The following SUPT3H variants were observed in gnomAD, a reference collection of about 807,000 sequenced individuals.
The protein encoded by SUPT3H is transcription initiation protein SPT3 homolog.
In SUPT3H, 44 loss-of-function variants were observed where a neutral mutation model predicts 44.3. The ratio of observed to expected loss-of-function variants is 0.99; its 90% CI spans 0.78 to 1.28. SUPT3H has a LOEUF of 1.28. SUPT3H is among the 50% of genes most tolerant of loss of function. The pLI is 0.00. For missense variants in SUPT3H, 380 were observed against 387.1 expected (o/e 0.98, Z 0.15); for synonymous variants, 124 against 125.6 (o/e 0.99, Z 0.09).
chr6:45,190,969 T>C (rs1292351972), intron 2 of SUPT3H, among the ~76,000 whole-genome samples: 1 of 152,082 alleles, frequency 6.6e-6, no homozygotes, highest in African/African-American at 2.4e-5. Flanking sequence ...CTGGTGGGAA[T>C]GTAAAATGAT....
chr6:45,206,593 G>T (rs1763253195), intron 2 of SUPT3H, among the ~76,000 whole-genome samples: 1 of 151,864 alleles, frequency 6.6e-6, no homozygotes, highest in Non-Finnish European at 1.5e-5. Context: ...AATATCACAG[G>T]AAGAATAAAA....
intron 2 of SUPT3H, among the ~76,000 whole-genome samples, chr6:45,188,102 T>C (rs1029667769): frequency 6.6e-6 from 1 of 152,254 alleles, no homozygotes; most frequent in Non-Finnish European, 1.5e-5. Flanking sequence ...TTCTAAATTC[T>C]ATCAGATCAA....
At position 45,319,197 on chromosome 6, in the gene SUPT3H, A is replaced by G. The variant is rs1378442506; in HGVS notation, c.101+46004T>C. Among the ~76,000 whole-genome samples the G allele has an allele frequency of 3.3e-5, 5 of 152,120 alleles. No homozygotes were observed. In the East Asian group the frequency reaches 9.7e-4, roughly 29 times the overall value. The stretch of plus-strand genomic sequence containing the variant: ...TCTTTCTTACTGCTTGCAATGATTT[A>G]TGTGTTTTATAATTAAATAGGTGTC... On this transcript the variant is annotated intron_variant, in intron 2 of 10. Coordinates refer to ENST00000371459, the MANE Select transcript of SUPT3H (RefSeq NM_003599.4).
chr6:45,328,415 G>A, intron 2 of SUPT3H: 1 of 1,427,946 alleles, frequency 7.0e-7, no homozygotes, highest in Non-Finnish European at 9.4e-7. Flanking sequence ...TTTTTAAATG[G>A]TTAATCTCCG....
At chr6:45,255,680 C>T (rs1773258854) in intron 2 of SUPT3H, among the ~76,000 whole-genome samples, 1 of 152,026 alleles carries the variant, frequency 6.6e-6, no homozygotes, top group Non-Finnish European at 1.5e-5. Flanking sequence ...GCATCACCCT[C>T]CCAAAGTGGT....
chr6:44,929,071 T>A (rs894531502), intron 10 of SUPT3H, among the ~76,000 whole-genome samples: 3 of 151,750 alleles, frequency 2.0e-5, no homozygotes, highest in Non-Finnish European at 2.9e-5. Context: ...CCTGTGTACT[T>A]CCTACTCCAG....
At chr6:45,287,114 G>C (rs1779436340) in intron 2 of SUPT3H, among the ~76,000 whole-genome samples, 1 of 152,016 alleles carries the variant, frequency 6.6e-6, no homozygotes, top group South Asian at 2.1e-4. Flanking sequence ...AGAGGGGAGG[G>C]ATAGCATTAG....
intron 2 of SUPT3H, chr6:45,323,022 G>T: frequency 9.3e-7 from 1 of 1,074,526 alleles, no homozygotes; most frequent in Non-Finnish European, 1.4e-6. Context: ...TAGAGATACA[G>T]ACAGACATAC....
intron 6 of SUPT3H, among the ~76,000 whole-genome samples, chr6:44,981,834 A>G (rs575456413): frequency 6.8e-4 from 102 of 150,006 alleles, no homozygotes; most frequent in African/African-American, 2.3e-3. Flanking sequence ...TAATCTCAGC[A>G]CTTTGGGAGG....
chr6:44,894,738 G>A (rs1411269620), intron 10 of SUPT3H, among the ~76,000 whole-genome samples: 1 of 151,752 alleles, frequency 6.6e-6, no homozygotes, highest in Non-Finnish European at 1.5e-5. Context: ...ATTTAGCAAA[G>A]TATTATATAT....
At chr6:45,344,659 T>C (rs1043739461) in intron 2 of SUPT3H, among the ~76,000 whole-genome samples, 16 of 152,146 alleles carry the variant, frequency 1.1e-4, no homozygotes, top group Admixed American at 9.2e-4. Flanking sequence ...GTCAAAAGCA[T>C]GTTAACTTTT....
chr6:45,030,820 A>G (rs1786800679), intron 3 of SUPT3H, among the ~76,000 whole-genome samples: 1 of 152,128 alleles, frequency 6.6e-6, no homozygotes, highest in African/African-American at 2.4e-5. Flanking sequence ...ATATATAGAG[A>G]AAGTGCCAAT....
chr6:44,849,376 G>A (rs959593480), intron 10 of SUPT3H, among the ~76,000 whole-genome samples: 2 of 150,912 alleles, frequency 1.3e-5, no homozygotes, highest in East Asian at 1.9e-4. Context: ...ACAGGCGCCC[G>A]CCACTACGCC....
chr6:45,222,996 AG>A (rs1449616159), intron 2 of SUPT3H, among the ~76,000 whole-genome samples: 5 of 152,166 alleles, frequency 3.3e-5, no homozygotes, highest in Non-Finnish European at 7.4e-5. Flanking sequence ...TCAAAACAAT[AG>A]AAAGAAAGAA....
intron 9 of SUPT3H, among the ~76,000 whole-genome samples, chr6:44,939,948 A>G (rs1772133885): frequency 6.6e-6 from 1 of 151,672 alleles, no homozygotes; most frequent in Non-Finnish European, 1.5e-5. Flanking sequence ...CTCTCTTCCT[A>G]GTTAGTCTTG....
chr6:44,922,580 TAAAC>T (rs1237530530), intron 10 of SUPT3H, among the ~76,000 whole-genome samples: 3 of 152,182 alleles, frequency 2.0e-5, no homozygotes, highest in African/African-American at 4.8e-5. Context: ...ATGCTTCACT[TAAAC>T]AAAACACACT....
intron 10 of SUPT3H, among the ~76,000 whole-genome samples, chr6:44,837,160 C>T (rs965217459): frequency 3.3e-5 from 5 of 152,100 alleles, no homozygotes; most frequent in Admixed American, 2.6e-4. Context: ...ACAAAAAGAA[C>T]GGCCAAAAAG....
Position 44,828,502 on chromosome 6 carries a change from A to C in SUPT3H, c.*1314T>G, listed in dbSNP as rs1045495723. Among the ~76,000 whole-genome samples, 3 of 152,316 alleles carry C rather than the reference A, an allele frequency of 2.0e-5. No homozygotes were observed. The highest frequency in any genetic ancestry group is 1.3e-4 in the Admixed American group (2 of 15,298). ...ATGGTTTTCAAATAAAAAGTCTTGA[A>C]TTTAAAATTGAAACAGTGTTTTTGA... On this transcript the variant is annotated 3_prime_UTR_variant, in exon 11 of 11. Coordinates refer to ENST00000371459, the MANE Select transcript of SUPT3H (RefSeq NM_003599.4).
intron 2 of SUPT3H, among the ~76,000 whole-genome samples, chr6:45,171,660 C>T (rs1053518390): frequency 4.0e-5 from 6 of 149,864 alleles, no homozygotes; most frequent in South Asian, 2.1e-4. Context: ...AAAATGCAGA[C>T]GACTATTTGA....
Sources: allele counts gnomAD v4.1 joint callset (sites outside exome capture counted in the v4.1 genomes callset), GRCh38; gene constraint gnomAD v4.1.1; transcripts MANE v1.5; gene names NCBI Gene and HGNC (gene_info 2026-07-23, HGNC 2026-07-21).